Variants in CFAP20DC observed in about 807,000 individuals in gnomAD.
CFAP20DC encodes the protein protein CFAP20DC.
A neutral mutation model predicts 101.7 loss-of-function variants in CFAP20DC; 84 were observed. That is an observed-to-expected ratio of 0.83 (90% CI 0.69 to 0.99). The LOEUF is 0.99. Ranked by LOEUF, CFAP20DC falls within the 50% of genes least tolerant of loss-of-function variation. The pLI is 0.00. For synonymous variants in CFAP20DC, 359 were observed against 351.2 expected (o/e 1.02, Z -0.25); for missense variants, 1,007 against 970.3 (o/e 1.04, Z -0.50).
chr3:58,992,178 A>ACT, intron 4 of CFAP20DC, among the ~76,000 whole-genome samples: 1 of 152,232 alleles, frequency 6.6e-6, no homozygotes, highest in Non-Finnish European at 1.5e-5. Context: ...AAACCCAAGC[A>ACT]GTCTGATTCC....
Position 58,873,635 on chromosome 3 carries a change from G to A in CFAP20DC, c.716-3326C>T, listed in dbSNP as rs932496081. ...AGAAGTCTGGATAGCTATTCTGGAT[G>A]TTGTCAGGCAGGTGTTCAAGCAGAA... On this transcript the variant is annotated intron_variant, in intron 7 of 16. Transcript: ENST00000482387. Among the ~76,000 whole-genome samples, 3 of 151,790 alleles carry A rather than the reference G, an allele frequency of 2.0e-5. No individual in the cohort carries two copies. In the East Asian group the frequency reaches 5.9e-4, roughly 30 times the overall value.
chr3:58,888,192 C>T (rs961478709), intron 6 of CFAP20DC, among the ~76,000 whole-genome samples: 3 of 152,126 alleles, frequency 2.0e-5, no homozygotes, highest in African/African-American at 7.2e-5. Context: ...CATTAAATAG[C>T]GCTTCATTGT....
intron 7 of CFAP20DC, among the ~76,000 whole-genome samples, chr3:58,872,919 A>T (rs1222875314): frequency 6.7e-6 from 1 of 148,954 alleles, no homozygotes; most frequent in Non-Finnish European, 1.5e-5. Flanking sequence ...CCGGATTCCT[A>T]TTCTGGATAC....
At chr3:58,734,804 A>G (rs755899824) in intron 3 of CFAP20DC, among the ~76,000 whole-genome samples, 5 of 152,156 alleles carry the variant, frequency 3.3e-5, no homozygotes, top group Admixed American at 6.5e-5. Flanking sequence ...CAAAGCACTT[A>G]CCATTCAAGG....
chr3:58,922,919 G>T (rs1314910712), intron 5 of CFAP20DC, among the ~76,000 whole-genome samples: 1 of 151,610 alleles, frequency 6.6e-6, no homozygotes, highest in Non-Finnish European at 1.5e-5. Context: ...TAGACAAGAA[G>T]CTCATAAAAG....
Position 58,831,798 on chromosome 3 carries a change from A to C in CFAP20DC, c.2063T>G (p.Leu688Arg). The C allele has an allele frequency of 6.2e-7, 1 of 1,614,042 alleles. No individual in the cohort carries two copies. Among genetic ancestry groups the C allele is most frequent in the Non-Finnish European group, 8.5e-7 (1 of 1,179,944 alleles). ...GCCATGGGAGGTCCCAGCATCCTCCAGTTCTTCATTTTGTTGCCACCGTAG... is the reference window on the plus strand; with the variant it reads ...GCCATGGGAGGTCCCAGCATCCTCCCGTTCTTCATTTTGTTGCCACCGTAG... ...ASLRWQQNEE[L>R]EDAGTSHGLS... is the part of the protein sequence containing the mutation. Residue 688 changes from leucine to arginine, a missense_variant, in exon 14 of 17, where the codon CTG becomes CGG. Physicochemically the swap from Leu to Arg is moderately radical, Grantham distance 102 (BLOSUM62 -2). Coordinates refer to ENST00000482387, the MANE Select transcript of CFAP20DC (RefSeq NM_001394063.1).
intron 14 of CFAP20DC, among the ~76,000 whole-genome samples, chr3:58,816,302 T>C (rs1002419128): frequency 6.6e-6 from 1 of 152,022 alleles, no homozygotes; most frequent in East Asian, 1.9e-4. Context: ...GATGGCCGAA[T>C]AGGAACAGCT....
chr3:58,992,135 G>A (rs1017034689), intron 4 of CFAP20DC, among the ~76,000 whole-genome samples: 4 of 152,038 alleles, frequency 2.6e-5, no homozygotes, highest in African/African-American at 9.7e-5. Context: ...ACATGCCTAG[G>A]GTCTCAGCCA....
intron 13 of CFAP20DC, among the ~76,000 whole-genome samples, chr3:58,845,591 G>A (rs979414190): frequency 2.0e-5 from 3 of 152,180 alleles, no homozygotes; most frequent in Admixed American, 6.5e-5. Context: ...GGTACAAGGA[G>A]GAACTGGTAC....
At chr3:58,856,926 T>C (rs1236022285) in intron 12 of CFAP20DC, among the ~76,000 whole-genome samples, 2 of 152,198 alleles carry the variant, frequency 1.3e-5, no homozygotes, top group East Asian at 3.8e-4. Flanking sequence ...GATCAAAAGA[T>C]CCTCTACTCA....
At chr3:58,898,700 G>A (rs2082882247) in intron 6 of CFAP20DC, among the ~76,000 whole-genome samples, 1 of 152,096 alleles carries the variant, frequency 6.6e-6, no homozygotes, top group South Asian at 2.1e-4. Flanking sequence ...AGTCATCTCA[G>A]TCTCAGTCCC....
intron 5 of CFAP20DC, among the ~76,000 whole-genome samples, chr3:58,918,520 T>C (rs574123047): frequency 2.6e-5 from 4 of 152,324 alleles, no homozygotes; most frequent in African/African-American, 9.6e-5. Flanking sequence ...CTCTCCTCTA[T>C]TCTGAATCCA....
intron 6 of CFAP20DC, among the ~76,000 whole-genome samples, chr3:58,905,675 A>C (rs934475036): frequency 2.6e-5 from 4 of 152,232 alleles, no homozygotes; most frequent in Non-Finnish European, 5.9e-5. Flanking sequence ...ATCCAAGGAC[A>C]ATAAAGTACT....
intron 3 of CFAP20DC, among the ~76,000 whole-genome samples, chr3:58,719,255 A>T (rs2067437274): frequency 6.6e-6 from 1 of 152,074 alleles, no homozygotes; most frequent in Non-Finnish European, 1.5e-5. Flanking sequence ...CAAAAGAAAA[A>T]TGCTGTTTTG....
intron 13 of CFAP20DC, among the ~76,000 whole-genome samples, chr3:58,843,045 A>C (rs987746136): frequency 3.7e-4 from 56 of 152,366 alleles, no homozygotes; most frequent in African/African-American, 1.3e-3. Flanking sequence ...AAAGTAGATA[A>C]AACCACAAAG....
At chr3:58,831,226 C>T (rs2076371272) in intron 14 of CFAP20DC, among the ~76,000 whole-genome samples, 1 of 152,240 alleles carries the variant, frequency 6.6e-6, no homozygotes, top group Admixed American at 6.5e-5. Flanking sequence ...ACACAGGGAG[C>T]AATCAGTGAA....
chr3:58,737,552 A>G (rs947434585), downstream of CFAP20DC, among the ~76,000 whole-genome samples: 10 of 152,154 alleles, frequency 6.6e-5, no homozygotes, highest in South Asian at 2.1e-4. The surrounding 1 kb of genome is among the most constrained non-coding windows in gnomAD (Gnocchi z 4.1). Flanking sequence ...CACCCACTGG[A>G]GATTACCTGT....
chr3:58,804,110 T>A (rs984781720), intron 15 of CFAP20DC, among the ~76,000 whole-genome samples: 2 of 152,142 alleles, frequency 1.3e-5, no homozygotes, highest in African/African-American at 2.4e-5. Flanking sequence ...CTATAATGAG[T>A]CTTGTAAAAG....
intron 6 of CFAP20DC, among the ~76,000 whole-genome samples, chr3:58,888,756 A>C (rs865804784): frequency 1.3e-5 from 2 of 152,224 alleles, no homozygotes; most frequent in Non-Finnish European, 2.9e-5. Context: ...TGCTATTGCA[A>C]ATAGTGCTGC....
Sources: allele counts gnomAD v4.1 joint callset (sites outside exome capture counted in the v4.1 genomes callset), GRCh38; gene constraint gnomAD v4.1.1; non-coding constraint Gnocchi (gnomAD v3.1); transcripts MANE v1.5; gene names NCBI Gene and HGNC (gene_info 2026-07-23, HGNC 2026-07-21).